HS3ST5: variants seen among roughly 807,000 people sequenced by gnomAD.
The protein encoded by HS3ST5 is heparan sulfate glucosamine 3-O-sulfotransferase 5.
HS3ST5 carries 10 observed loss-of-function variants against 25.4 expected under a neutral mutation model. The ratio of observed to expected loss-of-function variants is 0.39; its 90% CI spans 0.24 to 0.67. HS3ST5 has a LOEUF of 0.67. HS3ST5 is among the 30% of genes least tolerant of loss of function. The pLI is 0.44. For missense variants in HS3ST5, 324 were observed against 420.7 expected (o/e 0.77, Z 2.01); for synonymous variants, 170 against 162.4 (o/e 1.05, Z -0.36).
At chr6:114,142,858 AG>A (rs1306242127) in intron 3 of HS3ST5, 1 of 152,188 alleles carries the variant, frequency 6.6e-6, no homozygotes, top group Non-Finnish European at 1.5e-5. Context: ...ACTAAGTAAA[AG>A]TTATCTTCTC....
intron 1 of HS3ST5, among the ~76,000 whole-genome samples, chr6:114,259,932 A>G (rs1213872839): frequency 6.6e-6 from 1 of 152,176 alleles, no homozygotes; most frequent in Non-Finnish European, 1.5e-5. Context: ...GGAATTTTTT[A>G]TTTCTATTTA....
Position 114,132,616 on chromosome 6 carries a change from T to C in HS3ST5, c.-33+35735A>G, listed in dbSNP as rs73536654. Among the ~76,000 whole-genome samples, 491 of 152,272 alleles carry C rather than the reference T, an allele frequency of 3.2e-3. 4 individuals carry two copies. Among genetic ancestry groups the C allele is most frequent in the African/African-American group, 0.011 (459 of 41,552 alleles). ...GCGTTATGGCCTGAAGTGATGGAGA[T>C]TGCCTGGTCCAAGTGAAACAAAGGT... On this transcript the variant is annotated intron_variant, in intron 3 of 4. Transcript: ENST00000312719.
intron 1 of HS3ST5, among the ~76,000 whole-genome samples, chr6:114,318,770 T>C (rs1442355621): frequency 6.6e-6 from 1 of 152,126 alleles, no homozygotes; most frequent in Non-Finnish European, 1.5e-5. Context: ...CTTGGGGAAA[T>C]AGAAGCAGTT....
intron 3 of HS3ST5, among the ~76,000 whole-genome samples, chr6:114,134,234 G>A (rs1777485306): frequency 6.6e-6 from 1 of 152,128 alleles, no homozygotes; most frequent in African/African-American, 2.4e-5. Flanking sequence ...CTGCACTTAT[G>A]ATATCATGGA....
chr6:114,341,586 A>C (rs1392240795), intron 1 of HS3ST5, among the ~76,000 whole-genome samples: 1 of 131,226 alleles, frequency 7.6e-6, no homozygotes, highest in Admixed American at 7.3e-5. Flanking sequence ...GACTGCATCC[A>C]TCCCGCGCGC....
intron 1 of HS3ST5, among the ~76,000 whole-genome samples, chr6:114,244,545 T>C (rs1239878593): frequency 2.0e-5 from 3 of 152,172 alleles, no homozygotes; most frequent in Non-Finnish European, 4.4e-5. Flanking sequence ...TTAGGTGAAA[T>C]ATTTGAGCAC....
intron 3 of HS3ST5, among the ~76,000 whole-genome samples, chr6:114,092,729 G>A (rs1283860343): frequency 6.7e-6 from 1 of 149,346 alleles, no homozygotes; most frequent in Non-Finnish European, 1.5e-5. Flanking sequence ...AGGCTGGAGT[G>A]CAATGGTGCG....
At chr6:114,314,025 G>A (rs770040676) in intron 1 of HS3ST5, among the ~76,000 whole-genome samples, 7 of 152,140 alleles carry the variant, frequency 4.6e-5, no homozygotes, top group Admixed American at 1.3e-4. Context: ...CCCCAGGCTC[G>A]CGTGATTCTC....
chr6:114,283,538 T>C (rs1774214011), intron 1 of HS3ST5, among the ~76,000 whole-genome samples: 1 of 152,044 alleles, frequency 6.6e-6, no homozygotes, highest in Non-Finnish European at 1.5e-5. Flanking sequence ...CATCTTTAGT[T>C]TACATTCCAA....
At chr6:114,130,365 T>G (rs1360925500) in intron 3 of HS3ST5, among the ~76,000 whole-genome samples, 2 of 152,162 alleles carry the variant, frequency 1.3e-5, no homozygotes, top group African/African-American at 4.8e-5. Context: ...CATTTCACAA[T>G]GAATAAAAAG....
chr6:114,147,337 T>C (rs1582651743), intron 3 of HS3ST5, among the ~76,000 whole-genome samples: 2 of 152,166 alleles, frequency 1.3e-5, no homozygotes, highest in South Asian at 2.1e-4. Context: ...TTCTCACTGA[T>C]AGAACGTGAG....
At chr6:114,330,020 C>T (rs1776329031) in intron 1 of HS3ST5, among the ~76,000 whole-genome samples, 1 of 152,168 alleles carries the variant, frequency 6.6e-6, no homozygotes, top group Non-Finnish European at 1.5e-5. Context: ...CTGCTACTCC[C>T]TCTTGGGTAA....
chr6:114,222,939 C>T (rs1351906829), intron 2 of HS3ST5, among the ~76,000 whole-genome samples: 2 of 151,476 alleles, frequency 1.3e-5, no homozygotes, highest in African/African-American at 4.8e-5. Context: ...TGTATTTGAG[C>T]AATCTTTACT....
intron 3 of HS3ST5, among the ~76,000 whole-genome samples, chr6:114,142,003 T>G (rs1777928759): frequency 6.6e-6 from 1 of 152,104 alleles, no homozygotes; most frequent in South Asian, 2.1e-4. Flanking sequence ...TCATTTTTTT[T>G]TCCTCATTTC....
chr6:114,059,375 C>A (rs1270108378), intron 4 of HS3ST5: 1 of 152,170 alleles, frequency 6.6e-6, no homozygotes, highest in Non-Finnish European at 1.5e-5. Flanking sequence ...TGTGTCTCCC[C>A]CTCTGTGGCA....
Position 114,311,867 on chromosome 6 carries a change from A to G in HS3ST5, c.-339+30328T>C, listed in dbSNP as rs1047376288. ...TGCAAGGAAGATATTTTCAATGGTCATAACTAAATCAATGCATAATTTCAT... is the reference window on the plus strand; with the variant it reads ...TGCAAGGAAGATATTTTCAATGGTCGTAACTAAATCAATGCATAATTTCAT... On this transcript the variant is annotated intron_variant, in intron 1 of 4. Transcript: ENST00000312719. Among the ~76,000 whole-genome samples, 11 of 152,314 alleles carry G rather than the reference A, an allele frequency of 7.2e-5. No individual in the cohort carries two copies. The East Asian group carries it at 1.9e-3, about 27-fold the overall frequency.
intron 1 of HS3ST5, among the ~76,000 whole-genome samples, chr6:114,331,775 C>A (rs1409175421): frequency 1.3e-5 from 2 of 152,074 alleles, no homozygotes; most frequent in Non-Finnish European, 2.9e-5. Context: ...ACTAGAGACA[C>A]ATCTGTAGTG....
intron 2 of HS3ST5, among the ~76,000 whole-genome samples, chr6:114,187,199 T>G (rs899413270): frequency 6.6e-6 from 1 of 152,244 alleles, no homozygotes; most frequent in Non-Finnish European, 1.5e-5. Context: ...CTTTCCAGTC[T>G]TATTAACTAA....
intron 2 of HS3ST5, among the ~76,000 whole-genome samples, chr6:114,192,590 C>T (rs1164379065): frequency 6.6e-6 from 1 of 152,070 alleles, no homozygotes; most frequent in African/African-American, 2.4e-5. Context: ...GTCAAAATTA[C>T]AAGACAAGAG....
Sources: gnomAD v4.1 joint callset for allele counts (sites outside exome capture counted in the v4.1 genomes callset) on GRCh38, gnomAD v4.1.1 for gene constraint, MANE v1.5 for transcripts, NCBI Gene and HGNC (gene_info 2026-07-23, HGNC 2026-07-21) for gene names.